CRTC3: variants seen among roughly 807,000 people sequenced by gnomAD.
CRTC3 encodes CREB regulated transcription coactivator 3.
In CRTC3, 26 loss-of-function variants were observed where a neutral mutation model predicts 74.5. The ratio of observed to expected loss-of-function variants is 0.35; its 90% CI spans 0.26 to 0.48. The LOEUF is 0.48. Ranked by LOEUF, CRTC3 falls within the 20% of genes least tolerant of loss-of-function variation. The pLI is 0.99. For synonymous variants in CRTC3, 377 were observed against 325.8 expected (o/e 1.16, Z -1.69); for missense variants, 760 against 787.3 (o/e 0.97, Z 0.41).
intron 2 of CRTC3, among the ~76,000 whole-genome samples, chr15:90,560,485 A>G (rs1384890741): frequency 1.3e-5 from 2 of 152,146 alleles, no homozygotes; most frequent in South Asian, 2.1e-4. Flanking sequence ...CTTTTAGCTT[A>G]CTCCACCCTC....
chr15:90,614,375 GT>G, intron 6 of CRTC3, 77 bp from the exon 7 acceptor site: 1 of 1,045,930 alleles, frequency 9.6e-7, no homozygotes. Flanking sequence ...ATCATAAAGA[GT>G]TACTGATTCA....
chr15:90,630,793 C>T lies in CRTC3; in HGVS notation c.1266+1261C>T, dbSNP rs1260471975. Among the ~76,000 whole-genome samples, 45 of 4,830 alleles carry T rather than the reference C, an allele frequency of 9.3e-3. 4 individuals are homozygous for T. The highest frequency in any genetic ancestry group is 0.015 in the African/African-American group (44 of 2,844). The allele number at this position is 4,830 out of a possible 152,430, so 3.2% of individuals were successfully genotyped here. ...TTTTTTTTTTTTTTTTTTTTTGAGACGGAGTCTCGCTCTGTCGCCCAGGTC... is the reference window on the plus strand; with the variant it reads ...TTTTTTTTTTTTTTTTTTTTTGAGATGGAGTCTCGCTCTGTCGCCCAGGTC... On this transcript the variant is annotated intron_variant, in intron 11 of 14. Coordinates refer to ENST00000268184, the MANE Select transcript of CRTC3 (RefSeq NM_022769.5).
chr15:90,614,255 C>G (rs1372153948), intron 6 of CRTC3, 198 bp from the exon 7 acceptor site: 1 of 501,116 alleles, frequency 2.0e-6, no homozygotes, highest in African/African-American at 2.0e-5. Flanking sequence ...AAAAAGGAAC[C>G]AAATTTAGTT....
intron 11 of CRTC3, among the ~76,000 whole-genome samples, chr15:90,631,108 G>A (rs1168738118): frequency 1.3e-5 from 1 of 77,138 alleles, no homozygotes; most frequent in Non-Finnish European, 3.6e-5. Flanking sequence ...TCACCACCTC[G>A]CCATAAATTA....
chr15:90,638,006 T>C (rs1969301418), intron 11 of CRTC3: 1 of 157,332 alleles, frequency 6.4e-6, no homozygotes, highest in Admixed American at 6.4e-5. Context: ...TATCATTTAG[T>C]GTTCTGTGCT....
rs1969507184 is a variant in CRTC3, at chr15:90,643,075, G to A, written c.*935G>A. 4.3e-6 allele frequency: 1 copy of A among 232,186 alleles called. No individual in the cohort carries two copies. The highest frequency in any genetic ancestry group is 2.2e-5 in the African/African-American group (1 of 45,280). 14.4% of individuals were successfully genotyped at this position (232,186 alleles called of 1,614,324 possible). On this transcript the variant is annotated 3_prime_UTR_variant, in exon 15 of 15. Coordinates refer to ENST00000268184, the MANE Select transcript of CRTC3 (RefSeq NM_022769.5). ...AGAGCTGTGTCTCTGTGGGCTGGGA[G>A]TCTAATGTCACCCCCCTAGACCGTA...
At chr15:90,566,712 CTT>C (rs71154114) in intron 2 of CRTC3, among the ~76,000 whole-genome samples, 215 of 126,258 alleles carry the variant, frequency 1.7e-3, no homozygotes, top group Middle Eastern at 4.1e-3. Flanking sequence ...TTCCTCCTTT[CTT>C]TTTTTTTTTT....
At chr15:90,552,555 T>G (rs866055604) in intron 2 of CRTC3, among the ~76,000 whole-genome samples, 1 of 150,552 alleles carries the variant, frequency 6.6e-6, no homozygotes, top group African/African-American at 2.4e-5. Context: ...TCGTACTCCC[T>G]AGGATGAGCT....
At chr15:90,573,721 T>C (rs1178610523) in intron 2 of CRTC3, among the ~76,000 whole-genome samples, 2 of 152,240 alleles carry the variant, frequency 1.3e-5, no homozygotes, top group African/African-American at 4.8e-5. Context: ...TGTTCTTTGA[T>C]TTTACTTTTA....
intron 3 of CRTC3, 98 bp downstream of exon 3, chr15:90,593,853 C>T: frequency 8.0e-7 from 1 of 1,249,654 alleles, no homozygotes; most frequent in Non-Finnish European, 1.1e-6. Context: ...GCCTCAGAAT[C>T]TTCATTTATC....
At chr15:90,639,371 C>A (rs957261848) in intron 13 of CRTC3, among the ~76,000 whole-genome samples, 20 of 150,236 alleles carry the variant, frequency 1.3e-4, no homozygotes, top group African/African-American at 4.9e-4. Flanking sequence ...TTATAGTATT[C>A]AATAGTATTC....
At chr15:90,555,267 C>T (rs1029745658) in intron 2 of CRTC3, among the ~76,000 whole-genome samples, 1 of 152,134 alleles carries the variant, frequency 6.6e-6, no homozygotes, top group Non-Finnish European at 1.5e-5. Flanking sequence ...ATATAGATGC[C>T]AGGAAACATT....
chr15:90,567,670 A>G (rs2151068331), intron 2 of CRTC3, among the ~76,000 whole-genome samples: 1 of 129,204 alleles, frequency 7.7e-6, no homozygotes, highest in South Asian at 2.7e-4. Flanking sequence ...CCAGGGCAAC[A>G]AGAGTGAAAC....
At chr15:90,535,290 G>A (rs567743664) in intron 1 of CRTC3, among the ~76,000 whole-genome samples, 1 of 152,262 alleles carries the variant, frequency 6.6e-6, no homozygotes, top group Non-Finnish European at 1.5e-5. Context: ...GCAACCAGAG[G>A]GGCAGGAGAA....
chr15:90,642,481 C>T lies in CRTC3; in HGVS notation c.*341C>T. 1 of 430,214 alleles carries T rather than the reference C, an allele frequency of 2.3e-6. No individual in the cohort carries two copies. Among genetic ancestry groups the T allele is most frequent in the South Asian group, 2.3e-5 (1 of 42,562 alleles). 26.6% of individuals were successfully genotyped at this position (430,214 alleles called of 1,614,324 possible). A position where few individuals can be genotyped will look rare whatever the true frequency, so the allele number is the denominator to read the frequency against. ...GGAAATACTGTGTCACTGGAGGCCTCCGTAGCATTGTGTAGTGTGCTCAGA... is the reference window on the plus strand; with the variant it reads ...GGAAATACTGTGTCACTGGAGGCCTTCGTAGCATTGTGTAGTGTGCTCAGA... On this transcript the variant is annotated 3_prime_UTR_variant, in exon 15 of 15. Coordinates refer to ENST00000268184, the MANE Select transcript of CRTC3 (RefSeq NM_022769.5).
intron 2 of CRTC3, among the ~76,000 whole-genome samples, chr15:90,590,771 G>T (rs1967781276): frequency 6.6e-6 from 1 of 152,170 alleles, no homozygotes; most frequent in African/African-American, 2.4e-5. Flanking sequence ...ATATAGTTTG[G>T]AGTAAGATCA....
intron 2 of CRTC3, among the ~76,000 whole-genome samples, chr15:90,570,748 A>G (rs1967244387): frequency 1.3e-5 from 2 of 152,208 alleles, no homozygotes; most frequent in South Asian, 4.1e-4. Flanking sequence ...TACAAAGCCA[A>G]AGTCCCCAGA....
chr15:90,626,576 T>G (rs907966556), intron 10 of CRTC3, among the ~76,000 whole-genome samples: 35 of 152,068 alleles, frequency 2.3e-4, no homozygotes, highest in African/African-American at 8.0e-4. Flanking sequence ...AGACCCCATA[T>G]TGAAATTATG....
At chr15:90,537,332 T>A (rs980029637) in intron 1 of CRTC3, among the ~76,000 whole-genome samples, 3 of 152,232 alleles carry the variant, frequency 2.0e-5, no homozygotes, top group African/African-American at 7.2e-5. Flanking sequence ...TCAGAGTTGT[T>A]TGCCCAACCA....
Sources: allele counts gnomAD v4.1 joint callset (sites outside exome capture counted in the v4.1 genomes callset), GRCh38; gene constraint gnomAD v4.1.1; transcripts MANE v1.5; gene names NCBI Gene and HGNC (gene_info 2026-07-23, HGNC 2026-07-21).